Variants in XYLT1 observed in about 807,000 individuals in gnomAD.
XYLT1 encodes beta-D-xylosyltransferase 1.
XYLT1 carries 36 observed loss-of-function variants against 91.3 expected under a neutral mutation model. That is an observed-to-expected ratio of 0.39 (90% CI 0.30 to 0.52). The LOEUF (loss-of-function observed/expected upper bound fraction) is 0.52. XYLT1 is among the 20% of genes least tolerant of loss of function. XYLT1 has a pLI of 0.68. For synonymous variants in XYLT1, 588 were observed against 532.0 expected, an observed-to-expected ratio of 1.11 and a Z score of -1.45; for missense variants, 1,242 against 1,284.5, an observed-to-expected ratio of 0.97 and a Z score of 0.51.
intron 11 of XYLT1, 83 bp from the exon 12 acceptor site, chr16:17,109,100 C>T (rs1597124528): frequency 3.0e-6 from 4 of 1,341,064 alleles, no homozygotes; most frequent in Non-Finnish European, 3.9e-6. Context: ...CCTGGTGCTG[C>T]ACTGGGTGCC....
intron 1 of XYLT1, among the ~76,000 whole-genome samples, chr16:17,413,922 C>T (rs532549056): frequency 1.3e-5 from 2 of 152,268 alleles, no homozygotes; most frequent in Non-Finnish European, 2.9e-5. Flanking sequence ...TTCCCCCGCC[C>T]TAAACCAACC....
intron 5 of XYLT1, chr16:17,193,396 G>A (rs1003976751): frequency 6.7e-6 from 1 of 150,238 alleles, no homozygotes. Context: ...AACTTGCCCA[G>A]TTGGTGGTGG....
intron 3 of XYLT1, among the ~76,000 whole-genome samples, chr16:17,217,681 T>C (rs2141605265): frequency 6.6e-6 from 1 of 152,278 alleles, no homozygotes; most frequent in South Asian, 2.1e-4. Context: ...GAGCTGACAG[T>C]CCAGTGGATG....
intron 2 of XYLT1, among the ~76,000 whole-genome samples, chr16:17,261,699 A>C (rs1274035694): frequency 1.3e-5 from 2 of 152,196 alleles, no homozygotes; most frequent in Non-Finnish European, 2.9e-5. Context: ...TGTTGCAGGA[A>C]GTCATATAGA....
At chr16:17,183,415 G>A (rs2141570447) in intron 5 of XYLT1, among the ~76,000 whole-genome samples, 1 of 151,896 alleles carries the variant, frequency 6.6e-6, no homozygotes, top group African/African-American at 2.4e-5. Flanking sequence ...GAACTATCCA[G>A]CAGGTGAAAT....
In XYLT1 at chr16:17,259,344, G is replaced by C. The variant is rs532056868; in HGVS notation, c.557C>G (p.Pro186Arg). The change falls in exon 3 of 12, where the codon CCG becomes CGG. Residue 186 changes from proline (P) to arginine (R), a missense_variant. Pro to Arg is a moderately radical substitution (Grantham distance 103). Transcript: ENST00000261381. Reference sequence around the variant, plus strand: ...TTTCAAAAGCTCCTTCTGTCTACTCGGTGGCTTCTTCGCCAACTCAGGCTG... The same window carrying C: ...TTTCAAAAGCTCCTTCTGTCTACTCCGTGGCTTCTTCGCCAACTCAGGCTG... ...KHQPELAKKP[P>R]SRQKELLKRK... The C allele has an allele frequency of 1.9e-6, 3 of 1,614,066 alleles. No individual in the cohort carries two copies. The Admixed American group carries it at 5.0e-5, about 27-fold the overall frequency.
intron 6 of XYLT1, among the ~76,000 whole-genome samples, chr16:17,151,494 G>C (rs73531343): frequency 0.025 from 3,765 of 152,214 alleles, 180 homozygotes; most frequent in African/African-American, 0.086. Context: ...CCTATGAGCT[G>C]TGTGTTATTT....
intron 3 of XYLT1, among the ~76,000 whole-genome samples, chr16:17,238,722 C>T (rs938301855): frequency 7.9e-5 from 12 of 152,242 alleles, no homozygotes; most frequent in Non-Finnish European, 1.8e-4. Context: ...TCCCTTCCGC[C>T]TTCTGGCTCT....
At chr16:17,388,961 A>T (rs1230814072) in intron 1 of XYLT1, among the ~76,000 whole-genome samples, 1 of 152,178 alleles carries the variant, frequency 6.6e-6, no homozygotes, top group African/African-American at 2.4e-5. Flanking sequence ...CAGCCAGCTC[A>T]TCCTTTATAA....
intron 1 of XYLT1, among the ~76,000 whole-genome samples, chr16:17,390,899 A>C (rs1248815962): frequency 6.6e-6 from 1 of 152,148 alleles, no homozygotes; most frequent in Non-Finnish European, 1.5e-5. Context: ...TTAGCTAGGC[A>C]TGGTGGTGCG....
intron 2 of XYLT1, among the ~76,000 whole-genome samples, chr16:17,339,383 C>T (rs1448744999): frequency 6.6e-6 from 1 of 152,172 alleles, no homozygotes; most frequent in Non-Finnish European, 1.5e-5. Context: ...CAGATATTTT[C>T]ATGTCACATT....
At chr16:17,163,191 CCCCTTCCTGGGGATTTGTCCAAGGT>C in intron 5 of XYLT1, among the ~76,000 whole-genome samples, 1 of 152,336 alleles carries the variant, frequency 6.6e-6, no homozygotes, top group Non-Finnish European at 1.5e-5. Context: ...ATGTCCAAGG[CCCCTTCCTGGGGATTTGTCCAAGGT>C]CCCTTCCCAG....
chr16:17,411,313 T>C (rs1013932552), intron 1 of XYLT1, among the ~76,000 whole-genome samples: 70 of 152,196 alleles, frequency 4.6e-4, no homozygotes, highest in African/African-American at 1.6e-3. Flanking sequence ...TTCATGGTGG[T>C]AGTTTCTTCA....
intron 1 of XYLT1, among the ~76,000 whole-genome samples, chr16:17,404,854 C>T (rs949476454): frequency 6.6e-6 from 1 of 152,216 alleles, no homozygotes; most frequent in Non-Finnish European, 1.5e-5. Flanking sequence ...GATAGAAATA[C>T]AGGCATAAAC....
chr16:17,285,888 G>C (rs1026468541), intron 2 of XYLT1, among the ~76,000 whole-genome samples: 3 of 56,946 alleles, frequency 5.3e-5, no homozygotes, highest in African/African-American at 2.9e-4. Flanking sequence ...GTGTGTGTGT[G>C]TGTGTGTGTG....
intron 3 of XYLT1, among the ~76,000 whole-genome samples, chr16:17,234,629 T>C (rs1596438933): frequency 6.6e-6 from 1 of 151,700 alleles, no homozygotes; most frequent in East Asian, 1.9e-4. Context: ...GGGATCATTA[T>C]ACATTTCACA....
intron 1 of XYLT1, among the ~76,000 whole-genome samples, chr16:17,402,238 T>C (rs984310570): frequency 6.6e-6 from 1 of 151,856 alleles, no homozygotes; most frequent in East Asian, 1.9e-4. Context: ...AAGGGTCCCT[T>C]GAGCCGGTGA....
intron 1 of XYLT1, among the ~76,000 whole-genome samples, chr16:17,404,386 T>G (rs116132510): frequency 5.9e-5 from 9 of 151,996 alleles, no homozygotes; most frequent in African/African-American, 1.5e-4. Flanking sequence ...GCCTGCAAAG[T>G]CAAAACCGTA....
intron 1 of XYLT1, among the ~76,000 whole-genome samples, chr16:17,369,380 C>T (rs1298605109): frequency 1.3e-5 from 2 of 152,002 alleles, no homozygotes; most frequent in Admixed American, 6.6e-5. Context: ...TGTGGCTTTT[C>T]GTGAAATGTG....
Sources: allele counts gnomAD v4.1 joint callset (sites outside exome capture counted in the v4.1 genomes callset), GRCh38; gene constraint gnomAD v4.1.1; transcripts MANE v1.5; gene names NCBI Gene and HGNC (gene_info 2026-07-23, HGNC 2026-07-21).